LRBA: variants seen among roughly 807,000 people sequenced by gnomAD.
LRBA encodes the protein lipopolysaccharide-responsive and beige-like anchor protein.
LRBA carries 176 observed loss-of-function variants against 330.0 expected under a neutral mutation model. The observed-to-expected ratio is 0.53, with a 90% CI of 0.47 to 0.60. LRBA has a LOEUF of 0.60. Among genes scored for constraint, LRBA ranks in the 20% least tolerant of loss-of-function variants. The probability of loss-of-function intolerance (pLI) is 0.00; values close to 1 mark genes in which losing one functional copy is unlikely to be tolerated. For missense variants in LRBA, 3,259 were observed against 3,444.8 expected, an observed-to-expected ratio of 0.95 and a Z score of 1.35; for synonymous variants, 1,230 against 1,193.0, an observed-to-expected ratio of 1.03 and a Z score of -0.64.
At position 150,285,641 on chromosome 4, in the gene LRBA, G is replaced by A. The variant is rs78604596; in HGVS notation, c.8119+292C>T. 7.0e-4 allele frequency among the ~76,000 whole-genome samples: 107 copies of A among 152,314 alleles called. 2 individuals are homozygous for A. The East Asian group carries it at 0.02, about 29-fold the overall frequency. On this transcript the variant is annotated intron_variant, in intron 54 of 56. Transcript: ENST00000651943. ...AAAACATCTTAAACTCCTTAGAGCAGTGCTGTGAAACAGAACTTTCTACAA... is the reference window on the plus strand; with the variant it reads ...AAAACATCTTAAACTCCTTAGAGCAATGCTGTGAAACAGAACTTTCTACAA...
intron 47 of LRBA, among the ~76,000 whole-genome samples, chr4:150,350,398 G>A (rs562881228): frequency 6.8e-4 from 103 of 152,006 alleles, no homozygotes; most frequent in African/African-American, 2.4e-3. Context: ...GGCGAAACCC[G>A]GTCTCTACTA....
At chr4:150,972,867 C>T (rs1423075386) in intron 2 of LRBA, among the ~76,000 whole-genome samples, 1 of 152,190 alleles carries the variant, frequency 6.6e-6, no homozygotes, top group Non-Finnish European at 1.5e-5. Flanking sequence ...GTCACATTCT[C>T]TCTTGGTTCA....
At chr4:150,727,535 T>C (rs1268107762) in intron 36 of LRBA, among the ~76,000 whole-genome samples, 1 of 152,062 alleles carries the variant, frequency 6.6e-6, no homozygotes, top group African/African-American at 2.4e-5. Flanking sequence ...CACAATGAAA[T>C]ATAACTACAA....
chr4:150,857,758 T>C (rs1377948239), intron 22 of LRBA, among the ~76,000 whole-genome samples: 3 of 152,168 alleles, frequency 2.0e-5, no homozygotes, highest in African/African-American at 7.2e-5. Flanking sequence ...TTTTGGAGAA[T>C]GCCAGAATAT....
Position 150,849,592 on chromosome 4 carries a change from G to A in LRBA, c.4005-17C>T. On this transcript the variant is annotated splice_polypyrimidine_tract_variant and intron_variant, in intron 24 of 56. Transcript: ENST00000651943. ...GTTGAATGGCTGTCCAAAGATAAAT[G>A]ATATTTACTGATAAAGCTAAAGAAA... 1 of 1,596,088 alleles carries A rather than the reference G, an allele frequency of 6.3e-7. No individual in the cohort carries two copies.
At chr4:150,894,482 C>T (rs142890706) in intron 16 of LRBA, among the ~76,000 whole-genome samples, 1 of 152,324 alleles carries the variant, frequency 6.6e-6, no homozygotes, top group East Asian at 1.9e-4. Flanking sequence ...GAAAATCCTT[C>T]ACTACCTTTG....
intron 46 of LRBA, chr4:150,422,792 C>T (rs1749004879): frequency 6.8e-7 from 1 of 1,460,718 alleles, no homozygotes; most frequent in South Asian, 1.1e-5. Context: ...TCTGGTAGAC[C>T]TGCATGTGCT....
chr4:151,010,674 G>C (rs1744720685), intron 2 of LRBA, among the ~76,000 whole-genome samples: 1 of 152,048 alleles, frequency 6.6e-6, no homozygotes, highest in Admixed American at 6.6e-5. Flanking sequence ...CTGAGGTCGG[G>C]AGTTCAAGAC....
At chr4:150,840,297 T>C (rs1422106245) in intron 28 of LRBA, among the ~76,000 whole-genome samples, 1 of 152,276 alleles carries the variant, frequency 6.6e-6, no homozygotes, top group Admixed American at 6.5e-5. Context: ...CTTGGCTAAA[T>C]GTTTGGCACA....
At chr4:150,908,625 C>A in intron 10 of LRBA, 35 bp downstream of exon 10, 1 of 1,563,180 alleles carries the variant, frequency 6.4e-7, no homozygotes, top group South Asian at 1.2e-5. Flanking sequence ...CAAAAATTAC[C>A]ATTATAAATG....
intron 5 of LRBA, among the ~76,000 whole-genome samples, chr4:150,917,697 C>T (rs1347035149): frequency 1.3e-5 from 2 of 152,102 alleles, no homozygotes. Context: ...GAGGCCAAGG[C>T]AGGCAGATCA....
chr4:150,523,530 G>T (rs1763144863), intron 40 of LRBA, among the ~76,000 whole-genome samples: 1 of 152,014 alleles, frequency 6.6e-6, no homozygotes, highest in Non-Finnish European at 1.5e-5. Context: ...CCAATCTCAG[G>T]TATTTTGCTA....
chr4:150,760,087 T>A (rs1370332463), intron 35 of LRBA, among the ~76,000 whole-genome samples: 1 of 152,224 alleles, frequency 6.6e-6, no homozygotes, highest in Non-Finnish European at 1.5e-5. Context: ...GTGTTTTGCA[T>A]TAAGCAGAAC....
At chr4:150,448,481 G>C (rs1752884552) in intron 44 of LRBA, among the ~76,000 whole-genome samples, 1 of 152,052 alleles carries the variant, frequency 6.6e-6, no homozygotes, top group Admixed American at 6.6e-5. Context: ...GCAAAGCATG[G>C]GAGGAAGAGG....
At chr4:150,697,325 GAAAAAAAAAAAA>G (rs60145657) in intron 36 of LRBA, among the ~76,000 whole-genome samples, 17 of 28,054 alleles carry the variant, frequency 6.1e-4, no homozygotes, top group South Asian at 3.3e-3. Flanking sequence ...CTTTGTCTCA[GAAAAAAAAAAAA>G]AAAAAAAAAA....
At chr4:150,835,627 T>C (rs1050879369) in intron 28 of LRBA, among the ~76,000 whole-genome samples, 4 of 152,066 alleles carry the variant, frequency 2.6e-5, no homozygotes, top group Admixed American at 2.0e-4. Flanking sequence ...TATAGGAATG[T>C]TTGTGATTTT....
At chr4:150,488,249 A>G (rs1758124233) in intron 41 of LRBA, among the ~76,000 whole-genome samples, 1 of 151,744 alleles carries the variant, frequency 6.6e-6, no homozygotes, top group African/African-American at 2.4e-5. Flanking sequence ...TTAAAAATTT[A>G]AGTTTATGTA....
intron 34 of LRBA, among the ~76,000 whole-genome samples, chr4:150,791,706 C>T (rs2126643707): frequency 6.6e-6 from 1 of 152,184 alleles, no homozygotes; most frequent in South Asian, 2.1e-4. Context: ...ATAGGATTTC[C>T]TTATAGGTGA....
intron 37 of LRBA, among the ~76,000 whole-genome samples, chr4:150,673,192 T>G (rs1197421319): frequency 1.1e-4 from 16 of 152,186 alleles, no homozygotes; most frequent in Non-Finnish European, 2.9e-5. Flanking sequence ...TATCACTGTA[T>G]CAGATATTTT....
Sources: gnomAD v4.1 joint callset for allele counts (sites outside exome capture counted in the v4.1 genomes callset) on GRCh38, gnomAD v4.1.1 for gene constraint, MANE v1.5 for transcripts, NCBI Gene and HGNC (gene_info 2026-07-23, HGNC 2026-07-21) for gene names.